TBC1D8: variants seen among roughly 807,000 people sequenced by gnomAD.
The protein encoded by TBC1D8 is TBC1 domain family member 8, also known as BUB2-like protein 1.
A neutral mutation model predicts 118.8 loss-of-function variants in TBC1D8; 65 were observed. The observed-to-expected ratio is 0.55, with a 90% CI of 0.45 to 0.67. TBC1D8 has a LOEUF of 0.67. Ranked by LOEUF, TBC1D8 falls within the 30% of genes least tolerant of loss-of-function variation. TBC1D8 has a pLI of 0.00. For missense variants in TBC1D8, 1,376 were observed against 1,471.2 expected, an observed-to-expected ratio of 0.94 and a Z score of 1.06; for synonymous variants, 566 against 595.8, an observed-to-expected ratio of 0.95 and a Z score of 0.73.
At chr2:101,135,999 C>T (rs923260264) in intron 1 of TBC1D8, among the ~76,000 whole-genome samples, 1 of 152,208 alleles carries the variant, frequency 6.6e-6, no homozygotes, top group African/African-American at 2.4e-5. Flanking sequence ...GCTGGGACTA[C>T]AGGCAGGCAC....
At chr2:101,046,830 C>T (rs982579624) in intron 5 of TBC1D8, among the ~76,000 whole-genome samples, 4 of 152,074 alleles carry the variant, frequency 2.6e-5, no homozygotes, top group East Asian at 1.9e-4. Context: ...TATAAACCGG[C>T]GAAAGAGCCT....
chr2:101,015,887 T>C (rs867085556), intron 17 of TBC1D8, among the ~76,000 whole-genome samples: 4 of 152,092 alleles, frequency 2.6e-5, no homozygotes, highest in Admixed American at 6.5e-5. Flanking sequence ...AAGCTGAAAC[T>C]GGATCCCTTC....
chr2:101,076,621 G>A (rs578215281), intron 2 of TBC1D8, among the ~76,000 whole-genome samples: 1 of 152,328 alleles, frequency 6.6e-6, no homozygotes, highest in East Asian at 1.9e-4. Context: ...ATAAAAATTG[G>A]CCCAACTTCT....
intron 15 of TBC1D8, among the ~76,000 whole-genome samples, chr2:101,025,906 T>C (rs956806228): frequency 6.6e-6 from 1 of 152,222 alleles, no homozygotes; most frequent in African/African-American, 2.4e-5. Context: ...AAAGGAGATA[T>C]CACAGACCTG....
rs146020890 is a variant in TBC1D8, at chr2:101,063,590, T to C, written c.284-4051A>G. Among the ~76,000 whole-genome samples, 225 of 152,360 alleles carry C rather than the reference T, an allele frequency of 1.5e-3. 1 individual carries two copies. Among genetic ancestry groups the C allele is most frequent in the Middle Eastern group, 3.4e-3 (1 of 294 alleles). ...TGTAATTTCCTCTGCAGAGAAGTCT[T>C]ATGATGGGTTCCACAAATTCCACAA... On this transcript the variant is annotated intron_variant, in intron 2 of 19. Coordinates refer to ENST00000409318, the MANE Select transcript of TBC1D8 (RefSeq NM_001330348.2).
chr2:101,115,113 A>G (rs1283100364), intron 1 of TBC1D8, among the ~76,000 whole-genome samples: 1 of 152,202 alleles, frequency 6.6e-6, no homozygotes, highest in Admixed American at 6.5e-5. Flanking sequence ...AAAGGGAGTA[A>G]GGATAAAATG....
rs1675137714 is a variant in TBC1D8, at chr2:101,079,768, C to T, written c.283+10441G>A. On this transcript the variant is annotated intron_variant, in intron 2 of 19. Coordinates refer to ENST00000409318, the MANE Select transcript of TBC1D8 (RefSeq NM_001330348.2). ...TGGTGCGATCTCGGCTCACTACAAG[C>T]TCCGCCTCCCGGGTTCACGCCATTC... Among the ~76,000 whole-genome samples the T allele has an allele frequency of 7.1e-5, 10 of 140,334 alleles. No individual in the cohort carries two copies. The Admixed American group carries it at 8.0e-4, about 11-fold the overall frequency. The allele number at this position is 140,334 out of a possible 152,430, so 92.1% of individuals were successfully genotyped here.
rs567759073 is a variant in TBC1D8, at chr2:101,118,477, A to G, written c.128-28113T>C. The stretch of plus-strand genomic sequence containing the variant: ...TTTGGGAGGCCAAGGCGGGTGGATC[A>G]CAAGGTCAGGAGATCGAGACCATCC... On this transcript the variant is annotated intron_variant, in intron 1 of 19. Coordinates refer to ENST00000409318, the MANE Select transcript of TBC1D8 (RefSeq NM_001330348.2). 3.4e-5 allele frequency among the ~76,000 whole-genome samples: 5 copies of G among 147,620 alleles called. No homozygotes were observed. The South Asian group carries it at 1.1e-3, about 32-fold the overall frequency.
intron 11 of TBC1D8, among the ~76,000 whole-genome samples, chr2:101,031,028 T>C (rs554614228): frequency 6.7e-6 from 1 of 149,800 alleles, no homozygotes; most frequent in Non-Finnish European, 1.5e-5. Flanking sequence ...TGTGTTCCAA[T>C]GGTCCCCTCC....
At chr2:101,111,734 G>C (rs962380514) in intron 1 of TBC1D8, among the ~76,000 whole-genome samples, 8 of 152,174 alleles carry the variant, frequency 5.3e-5, no homozygotes, top group Non-Finnish European at 1.0e-4. Context: ...ATTGGTTTGA[G>C]TCTTCACTCA....
chr2:101,054,379 TG>T (rs1236996118), intron 3 of TBC1D8, 43 bp from the exon 4 acceptor site: 2 of 1,543,328 alleles, frequency 1.3e-6, no homozygotes, highest in Non-Finnish European at 1.8e-6. Context: ...GAGCCAGCAA[TG>T]GGAAGGCAGG....
At chr2:101,067,347 T>C (rs1404882744) in intron 2 of TBC1D8, among the ~76,000 whole-genome samples, 3 of 152,202 alleles carry the variant, frequency 2.0e-5, no homozygotes, top group Non-Finnish European at 4.4e-5. Flanking sequence ...CAATCACAGA[T>C]GACCAAGCTT....
At chr2:101,096,168 C>A (rs1388128325) in intron 1 of TBC1D8, among the ~76,000 whole-genome samples, 1 of 152,232 alleles carries the variant, frequency 6.6e-6, no homozygotes, top group East Asian at 1.9e-4. Flanking sequence ...AGACAATTCT[C>A]CCACCTTGAC....
At chr2:101,098,903 G>A (rs1676646719) in intron 1 of TBC1D8, among the ~76,000 whole-genome samples, 1 of 152,042 alleles carries the variant, frequency 6.6e-6, no homozygotes, top group Non-Finnish European at 1.5e-5. Flanking sequence ...CCTCACATCA[G>A]AAAGCTAGAA....
At chr2:101,017,936 C>T in intron 17 of TBC1D8, 2 of 1,550,368 alleles carry the variant, frequency 1.3e-6, no homozygotes, top group Non-Finnish European at 1.7e-6. Flanking sequence ...AAGCAAATGG[C>T]ATTTTCTTCT....
At chr2:101,129,858 T>C (rs915472377) in intron 1 of TBC1D8, among the ~76,000 whole-genome samples, 2 of 150,430 alleles carry the variant, frequency 1.3e-5, no homozygotes, top group African/African-American at 2.5e-5. Context: ...TGAGCCGAGA[T>C]AGTGCCACTG....
intron 1 of TBC1D8, among the ~76,000 whole-genome samples, chr2:101,120,148 C>T (rs547399548): frequency 6.6e-6 from 1 of 152,314 alleles, no homozygotes; most frequent in East Asian, 1.9e-4. Flanking sequence ...AAGCCAGCTC[C>T]TCAGACCAGG....
rs555712724 is a variant in TBC1D8 at position 101,009,851 on chromosome 2, TCG to T, written c.3015+1076_3015+1077del. ...TCTTTTTTTTTTTTGAGATGGAGTC[TCG>T]CTCTGTCGCCCAGGCTGGAGTGCAG... On this transcript the variant is annotated intron_variant, in intron 19 of 19. Transcript: ENST00000409318. Among the ~76,000 whole-genome samples the T allele has an allele frequency of 5.0e-3, 746 of 149,032 alleles. 8 individuals carry two copies. Among genetic ancestry groups the T allele is most frequent in the African/African-American group, 0.017 (669 of 40,524 alleles).
At chr2:101,042,885 G>A (rs536614477) in intron 5 of TBC1D8, among the ~76,000 whole-genome samples, 9 of 152,312 alleles carry the variant, frequency 5.9e-5, no homozygotes, top group Admixed American at 3.3e-4. Flanking sequence ...AGCTTTTCAG[G>A]CACGATCTGG....
Sources: gnomAD v4.1 joint callset for allele counts (sites outside exome capture counted in the v4.1 genomes callset) on GRCh38, gnomAD v4.1.1 for gene constraint, MANE v1.5 for transcripts, NCBI Gene and HGNC (gene_info 2026-07-23, HGNC 2026-07-21) for gene names.